Variants in TANGO6 observed in about 807,000 individuals in gnomAD.
The protein encoded by TANGO6 is transport and Golgi organization protein 6 homolog.
In TANGO6, 90 loss-of-function variants were observed where a neutral mutation model predicts 114.2. The ratio of observed to expected loss-of-function variants is 0.79; its 90% CI spans 0.66 to 0.94. TANGO6 has a LOEUF of 0.94. Ranked by LOEUF, TANGO6 falls within the 40% of genes least tolerant of loss-of-function variation. TANGO6 has a pLI of 0.00. For missense variants in TANGO6, 1,274 were observed against 1,315.3 expected, an observed-to-expected ratio of 0.97 and a Z score of 0.49; for synonymous variants, 477 against 509.8, an observed-to-expected ratio of 0.94 and a Z score of 0.87.
intron 16 of TANGO6, among the ~76,000 whole-genome samples, chr16:69,033,078 C>T (rs924656278): frequency 4.6e-5 from 7 of 151,424 alleles, no homozygotes; most frequent in South Asian, 2.1e-4. Context: ...CCCAGCTACT[C>T]GGGAGGCTGA....
At chr16:69,017,578 G>A (rs1157945770) in intron 15 of TANGO6, among the ~76,000 whole-genome samples, 1 of 151,986 alleles carries the variant, frequency 6.6e-6, no homozygotes, top group Non-Finnish European at 1.5e-5. Flanking sequence ...TCATGAATGT[G>A]TGCCTTTTCT....
At chr16:68,848,020 C>A (rs1018656444) in intron 1 of TANGO6, among the ~76,000 whole-genome samples, 9 of 138,974 alleles carry the variant, frequency 6.5e-5, no homozygotes, top group African/African-American at 2.1e-4. Flanking sequence ...AAAAAAAAAA[C>A]TATTGCAAAT....
chr16:68,910,624 T>C (rs1962909194), intron 11 of TANGO6, among the ~76,000 whole-genome samples: 3 of 152,210 alleles, frequency 2.0e-5, no homozygotes, highest in African/African-American at 7.2e-5. Context: ...CAAGGAAATA[T>C]TAAATTGCAT....
intron 16 of TANGO6, among the ~76,000 whole-genome samples, chr16:69,028,262 T>C (rs1428122904): frequency 6.6e-6 from 1 of 151,814 alleles, no homozygotes. Flanking sequence ...CTCCCGGCCC[T>C]CCAAATATTA....
intron 17 of TANGO6, 61 bp from the exon 18 acceptor site, chr16:69,083,424 C>G (rs1960494568): frequency 9.8e-6 from 15 of 1,531,276 alleles, no homozygotes; most frequent in Middle Eastern, 2.2e-4. Context: ...GAGGGCAGTT[C>G]AGTCGTACTG....
chr16:69,058,063 G>T (rs1960059918), intron 17 of TANGO6, among the ~76,000 whole-genome samples: 1 of 152,094 alleles, frequency 6.6e-6, no homozygotes, highest in Admixed American at 6.6e-5. Context: ...CCTGATTCGG[G>T]GATTATTTCT....
intron 17 of TANGO6, among the ~76,000 whole-genome samples, chr16:69,049,436 CTT>C (rs1005925380): frequency 6.9e-6 from 1 of 144,370 alleles, no homozygotes. Context: ...TTTTTTCTTT[CTT>C]TTTTTTTTTG....
At chr16:68,968,658 C>A (rs186956666) in intron 14 of TANGO6, among the ~76,000 whole-genome samples, 7,742 of 150,346 alleles carry the variant, frequency 0.051, 278 homozygotes, top group Non-Finnish European at 0.081. Context: ...AGCCACTGCA[C>A]CCAGCCTAGC....
At chr16:68,970,210 A>G (rs1204004595) in intron 14 of TANGO6, among the ~76,000 whole-genome samples, 1 of 152,166 alleles carries the variant, frequency 6.6e-6, no homozygotes, top group Non-Finnish European at 1.5e-5. Context: ...TCTCCAAAAG[A>G]ACACCATGGT....
chr16:69,069,322 A>G (rs1960263595), intron 17 of TANGO6, among the ~76,000 whole-genome samples: 1 of 152,184 alleles, frequency 6.6e-6, no homozygotes, highest in South Asian at 2.1e-4. Flanking sequence ...GTTGTTCTCT[A>G]CTGACAATTC....
chr16:68,875,009 G>A (rs1457218474), intron 4 of TANGO6, 145 bp from the exon 5 acceptor site: 2 of 698,634 alleles, frequency 2.9e-6, no homozygotes, highest in East Asian at 3.0e-5. Context: ...AGTATAGAAG[G>A]GTAGATTATC....
intron 1 of TANGO6, among the ~76,000 whole-genome samples, chr16:68,857,471 A>G (rs1056272985): frequency 6.6e-6 from 1 of 152,124 alleles, no homozygotes; most frequent in Non-Finnish European, 1.5e-5. Flanking sequence ...GTAATTATAA[A>G]TAAAGCTACT....
chr16:68,880,537 T>G lies in TANGO6; in HGVS notation c.1295-11T>G. On this transcript the variant is annotated splice_polypyrimidine_tract_variant and intron_variant, in intron 6 of 17. Coordinates refer to ENST00000261778, the MANE Select transcript of TANGO6 (RefSeq NM_024562.2). The stretch of plus-strand genomic sequence containing the variant: ...ACTAAATATGGGTAATTTTGTGTGT[T>G]TATTTTCTAGAGCTTTCAGAGAGTG... 1 of 1,607,908 alleles carries G rather than the reference T, an allele frequency of 6.2e-7. No homozygotes were observed. Among genetic ancestry groups the G allele is most frequent in the South Asian group, 1.1e-5 (1 of 89,830 alleles).
chr16:69,034,267 G>A lies in TANGO6; in HGVS notation c.2995-6041G>A, dbSNP rs183693264. The A allele has an allele frequency of 3.1e-3, 477 of 153,630 alleles. 1 individual carries two copies. The highest frequency in any genetic ancestry group is 5.0e-3 in the Non-Finnish European group (342 of 68,682). The allele number at this position is 153,630 out of a possible 1,614,324, so 9.5% of individuals were successfully genotyped here. ...CCCCCAGGAACAATGGCATCATCTCGACTCCTGTGCCCAAGATGCTGCTGC... is the reference window on the plus strand; with the variant it reads ...CCCCCAGGAACAATGGCATCATCTCAACTCCTGTGCCCAAGATGCTGCTGC... On this transcript the variant is annotated intron_variant, in intron 16 of 17. Transcript: ENST00000261778.
intron 9 of TANGO6, among the ~76,000 whole-genome samples, chr16:68,903,281 C>G (rs1039859163): frequency 6.6e-6 from 1 of 152,122 alleles, no homozygotes; most frequent in Admixed American, 6.6e-5. Flanking sequence ...ACAGAATTAT[C>G]AGTACAAACG....
intron 15 of TANGO6, among the ~76,000 whole-genome samples, chr16:69,003,387 T>C (rs2152221835): frequency 6.6e-6 from 1 of 152,310 alleles, no homozygotes; most frequent in South Asian, 2.1e-4. Context: ...AAGCCAGGAA[T>C]TTAACCCAGG....
chr16:68,869,369 T>A (rs1035045928), intron 4 of TANGO6, among the ~76,000 whole-genome samples: 1 of 152,196 alleles, frequency 6.6e-6, no homozygotes, highest in Non-Finnish European at 1.5e-5. Flanking sequence ...TTCCAGCTAC[T>A]GAGGTGGCTG....
chr16:68,868,985 AG>A (rs1486593706), intron 4 of TANGO6, among the ~76,000 whole-genome samples: 1 of 152,114 alleles, frequency 6.6e-6, no homozygotes, highest in Non-Finnish European at 1.5e-5. Flanking sequence ...ATCAATATTC[AG>A]TGTTTATATT....
chr16:68,889,311 C>A (rs1331572618), intron 7 of TANGO6, among the ~76,000 whole-genome samples: 1 of 152,158 alleles, frequency 6.6e-6, no homozygotes, highest in African/African-American at 2.4e-5. Context: ...GTTGTATAGT[C>A]TATGAGTTTT....
Sources: allele counts gnomAD v4.1 joint callset (sites outside exome capture counted in the v4.1 genomes callset), GRCh38; gene constraint gnomAD v4.1.1; transcripts MANE v1.5; gene names NCBI Gene and HGNC (gene_info 2026-07-23, HGNC 2026-07-21).